Variants in RELN observed in about 807,000 individuals in gnomAD.
The protein encoded by RELN is reelin.
RELN carries 108 observed loss-of-function variants against 427.6 expected under a neutral mutation model. The ratio of observed to expected loss-of-function variants is 0.25; its 90% CI spans 0.22 to 0.30. RELN has a LOEUF of 0.30. Among genes scored for constraint, RELN ranks in the 10% least tolerant of loss-of-function variants. RELN has a pLI of 1.00. For synonymous variants in RELN, 1,524 were observed against 1,513.4 expected (o/e 1.01, Z -0.16); for missense variants, 3,715 against 4,302.8 (o/e 0.86, Z 3.82).
intron 4 of RELN, among the ~76,000 whole-genome samples, chr7:103,770,913 C>CT (rs751942279): frequency 0.4 from 47,780 of 119,048 alleles, 10,528 homozygotes; most frequent in African/African-American, 0.47. Context: ...CAATCGCTTA[C>CT]TTTTTTTTTT....
Position 103,749,455 on chromosome 7 carries a change from G to T in RELN, c.627C>A (p.Tyr209Ter). ...SIILRDDFDS[Y>*]HQLQLNPNIW... ...TATTTGGATTTAATTGCAGTTGGTG[G>T]TAGGAGTCAAAGTCATCTCTCAGGA... The change falls in exon 6 of 65, where the codon TAC (tyrosine) becomes TAA (stop). Residue 209 changes from tyrosine (Y) to a stop codon, truncating the protein, a stop_gained. Coordinates refer to ENST00000428762, the MANE Select transcript of RELN (RefSeq NM_005045.4). LOFTEE classifies it high-confidence loss of function. 1 of 1,613,166 alleles carries T rather than the reference G, an allele frequency of 6.2e-7. No individual in the cohort carries two copies. Among genetic ancestry groups the T allele is most frequent in the Non-Finnish European group, 8.5e-7 (1 of 1,179,226 alleles).
chr7:103,550,602 CA>C lies in RELN; in HGVS notation c.6302+464del, dbSNP rs201960804. Among the ~76,000 whole-genome samples, 155 of 147,680 alleles carry C rather than the reference CA, an allele frequency of 1.0e-3. 3 individuals are homozygous for C. In the East Asian group the frequency reaches 0.027, roughly 26 times the overall value. Reference sequence around the variant, plus strand: ...TTGGAAAAGTAGAGATGCCTGGGGGCAACGTGCTAACTTTTTTTTTTTTTTT... The same window carrying C: ...TTGGAAAAGTAGAGATGCCTGGGGGCACGTGCTAACTTTTTTTTTTTTTTT... On this transcript the variant is annotated intron_variant, in intron 41 of 64. Transcript: ENST00000428762.
intron 63 of RELN, among the ~76,000 whole-genome samples, chr7:103,480,477 T>C (rs1828193746): frequency 2.0e-5 from 3 of 152,338 alleles, no homozygotes; most frequent in Admixed American, 2.0e-4. Flanking sequence ...GTGGCTCTTT[T>C]GAAAAGAAGT....
chr7:103,944,428 G>A (rs1416891976), intron 1 of RELN, among the ~76,000 whole-genome samples: 3 of 152,128 alleles, frequency 2.0e-5, no homozygotes, highest in Non-Finnish European at 4.4e-5. Flanking sequence ...AAGACTTGCA[G>A]GCCCAGAGAC....
rs1411638199 is a variant in RELN at position 103,507,795 on chromosome 7, A to G, written c.8274+3056T>C. Among the ~76,000 whole-genome samples, 3 of 152,202 alleles carry G rather than the reference A, an allele frequency of 2.0e-5. No individual in the cohort carries two copies. In the East Asian group the frequency reaches 5.8e-4, roughly 29 times the overall value. On this transcript the variant is annotated intron_variant, in intron 51 of 64. Transcript: ENST00000428762. ...AAGAGATGGACCACTAGTGAGACGA[A>G]TAAGGAAGAAAAGAGAGAAGGATCA...
intron 3 of RELN, among the ~76,000 whole-genome samples, chr7:103,806,549 T>C (rs775518797): frequency 1.3e-5 from 2 of 152,112 alleles, no homozygotes; most frequent in Non-Finnish European, 2.9e-5. Context: ...GGTCTTGAAC[T>C]CCTGGCCTCA....
chr7:103,566,312 C>T lies in RELN; in HGVS notation c.4848G>A (p.Leu1616=), dbSNP rs200733882. The change falls in exon 33 of 65, where the codon TTG becomes TTA. Residue 1616 remains leucine, a synonymous_variant. Transcript: ENST00000428762. ...CTTGGATTCGATACCAGTTGGCTTG[C>T]AAATCTATAGAGCCATCAAATTTGT... is the stretch of plus-strand genomic sequence containing the variant. The part of the protein sequence containing the change: ...FQDKFDGSID[L]QANWYRIQGG... The T allele has an allele frequency of 3.1e-6, 5 of 1,613,990 alleles. No individual in the cohort carries two copies. The Admixed American group carries it at 6.7e-5, about 22-fold the overall frequency.
chr7:103,854,682 G>A (rs1236428025), intron 2 of RELN, among the ~76,000 whole-genome samples: 1 of 152,126 alleles, frequency 6.6e-6, no homozygotes, highest in African/African-American at 2.4e-5. Context: ...AACAGTGATG[G>A]GAATAAGAAT....
At chr7:103,770,654 AT>A (rs796410060) in intron 4 of RELN, among the ~76,000 whole-genome samples, 2,210 of 110,900 alleles carry the variant, frequency 0.02, 48 homozygotes, top group African/African-American at 0.081. Flanking sequence ...TTTTTTAAAA[AT>A]TTTTTTTTTT....
intron 6 of RELN, among the ~76,000 whole-genome samples, chr7:103,731,880 A>G (rs990932330): frequency 5.9e-5 from 9 of 152,144 alleles, no homozygotes; most frequent in Admixed American, 5.9e-4. Context: ...ATTCAATTAT[A>G]TTTTCACATG....
intron 51 of RELN, among the ~76,000 whole-genome samples, chr7:103,503,587 T>G (rs2711835): frequency 6.6e-6 from 1 of 152,154 alleles, no homozygotes; most frequent in Non-Finnish European, 1.5e-5. Flanking sequence ...CCAAGAAGAA[T>G]AGCTAACAGC....
At chr7:103,877,954 C>G (rs777306975) in intron 2 of RELN, among the ~76,000 whole-genome samples, 1 of 149,480 alleles carries the variant, frequency 6.7e-6, no homozygotes, top group Non-Finnish European at 1.5e-5. Flanking sequence ...CTCCTGACTT[C>G]AAGCAATTCT....
chr7:103,752,836 C>A (rs1245129333), intron 5 of RELN, among the ~76,000 whole-genome samples: 1 of 152,112 alleles, frequency 6.6e-6, no homozygotes, highest in Non-Finnish European at 1.5e-5. Context: ...GCTTCTTGCC[C>A]ACTAGCTCCA....
intron 2 of RELN, among the ~76,000 whole-genome samples, chr7:103,881,301 T>C (rs1794601603): frequency 6.6e-6 from 1 of 152,144 alleles, no homozygotes. Context: ...GGTCACGTTA[T>C]CCTAATTATA....
At chr7:103,670,637 CTT>C (rs1833371420) in intron 11 of RELN, among the ~76,000 whole-genome samples, 1 of 151,882 alleles carries the variant, frequency 6.6e-6, no homozygotes. Context: ...AAATTTTAGA[CTT>C]TTACTTTGCT....
At chr7:103,819,746 G>T (rs1252597363) in intron 3 of RELN, among the ~76,000 whole-genome samples, 2 of 151,916 alleles carry the variant, frequency 1.3e-5, no homozygotes, top group Admixed American at 1.3e-4. Context: ...AAATATTTGA[G>T]AAACAAAATA....
chr7:103,797,148 C>A (rs1232974626), intron 3 of RELN, among the ~76,000 whole-genome samples: 1 of 151,968 alleles, frequency 6.6e-6, no homozygotes, highest in Non-Finnish European at 1.5e-5. Flanking sequence ...TGCAATGGTG[C>A]TATCTTGGCT....
At chr7:103,858,877 C>G (rs777745780) in intron 2 of RELN, among the ~76,000 whole-genome samples, 45 of 152,068 alleles carry the variant, frequency 3.0e-4, no homozygotes, top group Non-Finnish European at 5.1e-4. Context: ...ATGAATAGCC[C>G]TACAGGAACA....
chr7:103,540,001 C>A (rs1830142058), intron 44 of RELN, among the ~76,000 whole-genome samples, 196 bp downstream of exon 44: 1 of 152,158 alleles, frequency 6.6e-6, no homozygotes, highest in African/African-American at 2.4e-5. Flanking sequence ...TTTTTATAAG[C>A]TTAGGCAACT....
Sources: allele counts gnomAD v4.1 joint callset (sites outside exome capture counted in the v4.1 genomes callset), GRCh38; gene constraint gnomAD v4.1.1; transcripts MANE v1.5; gene names NCBI Gene and HGNC (gene_info 2026-07-23, HGNC 2026-07-21).